Variants in KLF4 observed in about 807,000 individuals in gnomAD.
KLF4 encodes KLF transcription factor 4, also known as Krueppel-like factor 4.
Under a neutral mutation model 38.0 loss-of-function variants are expected in KLF4, and 14 were observed. The observed-to-expected ratio is 0.37, with a 90% CI of 0.24 to 0.58. The LOEUF is 0.58. KLF4 is among the 20% of genes least tolerant of loss of function. The pLI is 0.76. For missense variants in KLF4, 737 were observed against 670.1 expected, an observed-to-expected ratio of 1.10 and a Z score of -1.10; for synonymous variants, 398 against 302.5, an observed-to-expected ratio of 1.32 and a Z score of -3.28.
At position 107,489,460 on chromosome 9, in the gene KLF4, T is replaced by G; in HGVS notation, c.-288A>C. On this transcript the variant is annotated 5_prime_UTR_variant, in exon 1 of 5. Transcript: ENST00000374672. ...CACTCAGCAGCGTCCCCCACCACTG[T>G]CGCGGTCGCCTCGAGTGCTGCCGTG... 5.9e-6 allele frequency: 2 copies of G among 340,722 alleles called. No individual in the cohort carries two copies. 21.1% of individuals were successfully genotyped at this position (340,722 alleles called of 1,614,324 possible).
In KLF4 at chr9:107,485,689, G is replaced by A; in HGVS notation, c.*62C>T. 1 of 1,458,864 alleles carries A rather than the reference G, an allele frequency of 6.9e-7. No homozygotes were observed. The highest frequency in any genetic ancestry group is 9.1e-7 in the Non-Finnish European group (1 of 1,098,138). The allele number at this position is 1,458,864 out of a possible 1,614,324, so 90.4% of individuals were successfully genotyped here. ...CTCCTTCCCTCATCGGGAAGACAGTGTGAAAAGTAAAAAATACTGAATTCT... is the reference window on the plus strand; with the variant it reads ...CTCCTTCCCTCATCGGGAAGACAGTATGAAAAGTAAAAAATACTGAATTCT... On this transcript the variant is annotated 3_prime_UTR_variant, in exon 5 of 5. Transcript: ENST00000374672. The surrounding 1 kb of genome is among the most constrained non-coding windows in gnomAD (Gnocchi z 4.9).
At chr9:107,486,958 G>A (rs2133186950) in intron 4 of KLF4, 70 bp downstream of exon 4, 1 of 1,611,538 alleles carries the variant, frequency 6.2e-7, no homozygotes, top group South Asian at 1.1e-5. Context: ...AGGAGGCACT[G>A]AGGAGTGTCC....
chr9:107,486,922 G>A (rs764365768), intron 4 of KLF4, 106 bp downstream of exon 4: 1 of 1,588,414 alleles, frequency 6.3e-7, no homozygotes, highest in Non-Finnish European at 8.6e-7. Context: ...GTAGCCTATG[G>A]GGCTGGAAGC....
chr9:107,487,526 C>G lies in KLF4; in HGVS notation c.868G>C (p.Ala290Pro). ...EAVSSCTHLGAGPPLSNGHRP... is the reference protein window; with the variant it reads ...EAVSSCTHLGPGPPLSNGHRP... ...TGGCCATTGCTGAGAGGGGGTCCAG[C>G]GCCCAAGTGGGTGCACGAAGAGACC... The change falls in exon 3 of 5, where the codon GCT (alanine) becomes CCT (proline). Residue 290 changes from alanine (A) to proline (P), a missense_variant. Coordinates refer to ENST00000374672, the MANE Select transcript of KLF4 (RefSeq NM_004235.6). The surrounding 1 kb of genome is among the most constrained non-coding windows in gnomAD (Gnocchi z 6.1). 1.3e-6 allele frequency: 2 copies of G among 1,549,630 alleles called. No homozygotes were observed. Among genetic ancestry groups the G allele is most frequent in the Non-Finnish European group, 1.7e-6 (2 of 1,149,356 alleles).
In KLF4 at chr9:107,485,982, C is replaced by T; in HGVS notation, c.1265-56G>A. 6.5e-7 allele frequency: 1 copy of T among 1,544,840 alleles called. No individual in the cohort carries two copies. The highest frequency in any genetic ancestry group is 8.7e-7 in the Non-Finnish European group (1 of 1,143,914). ...GCTATTGCTATATCAAAGAATCGCC[C>T]CTTTTAAAAACTGAAGGCCAGATAG... On this transcript the variant is annotated intron_variant, in intron 4 of 4. Coordinates refer to ENST00000374672, the MANE Select transcript of KLF4 (RefSeq NM_004235.6). The surrounding 1 kb of genome is among the most constrained non-coding windows in gnomAD (Gnocchi z 4.9).
rs778501606 is a variant in KLF4, at chr9:107,487,260, C to T, written c.1099+35G>A. ...CGAAGTGGGGCCAGCACACACAGGG[C>T]TCCCCAGCCCGAGCTACAAATCCCC... On this transcript the variant is annotated intron_variant, in intron 3 of 4. Transcript: ENST00000374672. This position sits in a 1 kb window ranked among gnomAD's most constrained non-coding sequence, Gnocchi z 6.1. 26 of 1,598,012 alleles carry T rather than the reference C, an allele frequency of 1.6e-5. No individual in the cohort carries two copies. Among genetic ancestry groups the T allele is most frequent in the Non-Finnish European group, 2.2e-5 (26 of 1,171,440 alleles).
Position 107,487,726 on chromosome 9 carries a change from C to T in KLF4, c.668G>A (p.Gly223Asp), listed in dbSNP as rs754155569. 3 of 1,596,186 alleles carry T rather than the reference C, an allele frequency of 1.9e-6. No individual in the cohort carries two copies. The highest frequency in any genetic ancestry group is 4.5e-5 in the East Asian group (2 of 44,010). ...IPPQQPQPPG[G>D]GLMGKFVLKA... ...CAGCACGAACTTGCCCATCAGCCCGCCACCTGGCGGCTGCGGCTGCTGCGG... is the reference window on the plus strand; with the variant it reads ...CAGCACGAACTTGCCCATCAGCCCGTCACCTGGCGGCTGCGGCTGCTGCGG... The change falls in exon 3 of 5, where the codon GGC becomes GAC. Residue 223 changes from glycine (G) to aspartate (D), a missense_variant. Physicochemically the swap from Gly to Asp is moderately conservative, Grantham distance 94. Coordinates refer to ENST00000374672, the MANE Select transcript of KLF4 (RefSeq NM_004235.6). The surrounding 1 kb of genome is among the most constrained non-coding windows in gnomAD (Gnocchi z 6.1).
intron 1 of KLF4, 53 bp downstream of exon 1, chr9:107,489,115 C>T: frequency 6.5e-7 from 1 of 1,548,702 alleles, no homozygotes; most frequent in Admixed American, 2.0e-5. Context: ...CGTTCCGGCG[C>T]GTCCCACCGG....
Position 107,485,807 on chromosome 9 carries a change from C to A in KLF4, c.1384G>T (p.Asp462Tyr). 2 of 1,608,198 alleles carry A rather than the reference C, an allele frequency of 1.2e-6. No individual in the cohort carries two copies. Among genetic ancestry groups the A allele is most frequent in the Non-Finnish European group, 1.7e-6 (2 of 1,178,014 alleles). Residue 462 changes from aspartate to tyrosine, a missense_variant, in exon 5 of 5, where the codon GAC becomes TAC. Asp to Tyr is a radical substitution (Grantham distance 160). Transcript: ENST00000374672. This position sits in a 1 kb window ranked among gnomAD's most constrained non-coding sequence, Gnocchi z 4.9. ...TGGTCCGACCTGGAAAATGCTCGGTCGCATTTTTGGCACTGGAACGGGCGG... is the reference window on the plus strand; with the variant it reads ...TGGTCCGACCTGGAAAATGCTCGGTAGCATTTTTGGCACTGGAACGGGCGG... Reference protein sequence around the residue: ...GHRPFQCQKCDRAFSRSDHLA... With the variant: ...GHRPFQCQKCYRAFSRSDHLA...
chr9:107,489,268 A>C lies in KLF4; in HGVS notation c.-96T>G. ...GAGAAGAAACGAAGCCAAAACCCAA[A>C]ACCCCAAATTGGCCGAGATCCTTCT... On this transcript the variant is annotated 5_prime_UTR_variant, in exon 1 of 5. Transcript: ENST00000374672. 1 of 1,391,966 alleles carries C rather than the reference A, an allele frequency of 7.2e-7. No homozygotes were observed. The highest frequency in any genetic ancestry group is 9.4e-7 in the Non-Finnish European group (1 of 1,061,794). The allele number at this position is 1,391,966 out of a possible 1,614,324, so 86.2% of individuals were successfully genotyped here.
chr9:107,486,931 G>A, intron 4 of KLF4, 97 bp downstream of exon 4: 4 of 1,596,156 alleles, frequency 2.5e-6, no homozygotes, highest in Non-Finnish European at 3.4e-6. Context: ...GGGGCTGGAA[G>A]CTAACCTGGG....
At position 107,487,281 on chromosome 9, in the gene KLF4, T is replaced by A. The variant is rs1564294088; in HGVS notation, c.1099+14A>T. On this transcript the variant is annotated intron_variant, in intron 3 of 4. Coordinates refer to ENST00000374672, the MANE Select transcript of KLF4 (RefSeq NM_004235.6). The surrounding 1 kb of genome is among the most constrained non-coding windows in gnomAD (Gnocchi z 6.1). ...AGGGCTCCCCAGCCCGAGCTACAAA[T>A]CCCCGGGACTGACCTTGGTAATGGA... is the stretch of plus-strand genomic sequence containing the variant. 6.3e-7 allele frequency: 1 copy of A among 1,592,262 alleles called. No homozygotes were observed.
rs1829120338 is a variant in KLF4, at chr9:107,488,171, C to T, written c.223G>A (p.Glu75Lys). The T allele has an allele frequency of 1.2e-6, 2 of 1,612,554 alleles. No homozygotes were observed. The highest frequency in any genetic ancestry group is 3.3e-5 in the Admixed American group (2 of 60,002). The change falls in exon 3 of 5, where the codon GAG becomes AAG. Residue 75 changes from glutamate to lysine, a missense_variant. By Grantham distance (56) the Glu-to-Lys change is moderately conservative. This residue lies in a region of KLF4 where 695 missense variants were observed against 554.5 expected (regional missense o/e 1.25). Coordinates refer to ENST00000374672, the MANE Select transcript of KLF4 (RefSeq NM_004235.6). This position sits in a 1 kb window ranked among gnomAD's most constrained non-coding sequence, Gnocchi z 5.7. The part of the protein sequence containing the change: ...LAAATVATDL[E>K]SGGAGAACGG... ...CAAGCCGCACCGGCTCCGCCGCTCT[C>T]CAGGTCTGTGGCCACGGTCGCCGCC...
At position 107,489,347 on chromosome 9, in the gene KLF4, A is replaced by G. The variant is rs984787900; in HGVS notation, c.-175T>C. ...TCTTTTTTAAAAAGTTCCTTTGTAT[A>G]CAAAAGTTCTTAGAAAAGTTGTAAA... On this transcript the variant is annotated 5_prime_UTR_variant, in exon 1 of 5. Transcript: ENST00000374672. 3.4e-5 allele frequency: 30 copies of G among 882,468 alleles called. No homozygotes were observed. Among genetic ancestry groups the G allele is most frequent in the Non-Finnish European group, 4.8e-5 (30 of 630,438 alleles). The allele number at this position is 882,468 out of a possible 1,614,324, so 54.7% of individuals were successfully genotyped here.
chr9:107,487,847 C>A lies in KLF4; in HGVS notation c.547G>T (p.Ala183Ser), dbSNP rs1157065864. Residue 183 changes from alanine (A) to serine (S), a missense_variant, in exon 3 of 5, where the codon GCT (alanine) becomes TCT (serine). Ala to Ser is a moderately conservative substitution (Grantham distance 99). Coordinates refer to ENST00000374672, the MANE Select transcript of KLF4 (RefSeq NM_004235.6). The surrounding 1 kb of genome is among the most constrained non-coding windows in gnomAD (Gnocchi z 6.1). Reference protein sequence around the residue: ...YGRESAPPPTAPFNLADINDV... With the variant: ...YGRESAPPPTSPFNLADINDV... ...TTGATGTCCGCCAGGTTGAAGGGAG[C>A]CGTCGGAGGGGGAGCGGACTCCCTG... 4.4e-5 allele frequency: 67 copies of A among 1,526,566 alleles called. No individual in the cohort carries two copies. Among genetic ancestry groups the A allele is most frequent in the Non-Finnish European group, 5.7e-5 (65 of 1,135,530 alleles). 94.6% of individuals were successfully genotyped at this position (1,526,566 alleles called of 1,614,324 possible). A position where few individuals can be genotyped will look rare whatever the true frequency, so the allele number is the denominator to read the frequency against.
Position 107,485,151 on chromosome 9 carries a change from T to G in KLF4, c.*600A>C, listed in dbSNP as rs1016423033. 3 of 199,564 alleles carry G rather than the reference T, an allele frequency of 1.5e-5. No homozygotes were observed. Among genetic ancestry groups the G allele is most frequent in the African/African-American group, 6.9e-5 (3 of 43,518 alleles). 12.4% of individuals were successfully genotyped at this position (199,564 alleles called of 1,614,324 possible). A position where few individuals can be genotyped will look rare whatever the true frequency, so the allele number is the denominator to read the frequency against. ...AAGTAAACCAGGTATATTACCTGAC[T>G]TAGGTCATAAATGTTGATCGGAAGA... On this transcript the variant is annotated 3_prime_UTR_variant, in exon 5 of 5. Coordinates refer to ENST00000374672, the MANE Select transcript of KLF4 (RefSeq NM_004235.6). The surrounding 1 kb of genome is among the most constrained non-coding windows in gnomAD (Gnocchi z 4.9).
At position 107,488,391 on chromosome 9, in the gene KLF4, C is replaced by T. The variant is rs1829127481; in HGVS notation, c.127-124G>A. 3.5e-6 allele frequency: 5 copies of T among 1,426,622 alleles called. No individual in the cohort carries two copies. Among genetic ancestry groups the T allele is most frequent in the Non-Finnish European group, 4.6e-6 (5 of 1,092,562 alleles). 88.4% of individuals were successfully genotyped at this position (1,426,622 alleles called of 1,614,324 possible). On this transcript the variant is annotated intron_variant, in intron 2 of 4. Transcript: ENST00000374672. This position sits in a 1 kb window ranked among gnomAD's most constrained non-coding sequence, Gnocchi z 5.7. ...ACATGGGGACTGGTCAGGCAGGAAG[C>T]ACCCGGGAACCCAGGGCGCCAGCGC... is the stretch of plus-strand genomic sequence containing the variant.
Position 107,487,226 on chromosome 9 carries a change from CG to C in KLF4, c.1100-35del. On this transcript the variant is annotated intron_variant, in intron 3 of 4. Coordinates refer to ENST00000374672, the MANE Select transcript of KLF4 (RefSeq NM_004235.6). This position sits in a 1 kb window ranked among gnomAD's most constrained non-coding sequence, Gnocchi z 6.1. ...GAAGAAGGTGGGGTGAGCATCATCC[CG>C]TGTGTCCCGAAGTGGGGCCAGCACA... is the stretch of plus-strand genomic sequence containing the variant. 3 of 1,608,816 alleles carry C rather than the reference CG, an allele frequency of 1.9e-6. No homozygotes were observed. Among genetic ancestry groups the C allele is most frequent in the Non-Finnish European group, 2.5e-6 (3 of 1,177,024 alleles).
Position 107,489,311 on chromosome 9 carries a change from A to C in KLF4, c.-139T>G. 8.6e-7 allele frequency: 1 copy of C among 1,161,766 alleles called. No individual in the cohort carries two copies. The highest frequency in any genetic ancestry group is 1.1e-6 in the Non-Finnish European group (1 of 870,876). The allele number at this position is 1,161,766 out of a possible 1,614,324, so 72.0% of individuals were successfully genotyped here. ...ATCCTTCTTCTTTGGATTAAATATA[A>C]CTTGGAAGCGTCTTTTTTAAAAAGT... is the stretch of plus-strand genomic sequence containing the variant. On this transcript the variant is annotated 5_prime_UTR_variant, in exon 1 of 5. Transcript: ENST00000374672.
Sources: allele counts gnomAD v4.1 joint callset, GRCh38; gene constraint gnomAD v4.1.1; regional missense constraint gnomAD v4.1.1; non-coding constraint Gnocchi (gnomAD v3.1); transcripts MANE v1.5; gene names NCBI Gene and HGNC (gene_info 2026-07-23, HGNC 2026-07-21).